The following CWC22 variants were observed in gnomAD, a reference collection of about 807,000 sequenced individuals.
The protein encoded by CWC22 is pre-mRNA-splicing factor CWC22 homolog.
In CWC22, 53 loss-of-function variants were observed where a neutral mutation model predicts 117.2. The observed-to-expected ratio is 0.45, with a 90% CI of 0.36 to 0.57. CWC22 has a LOEUF of 0.57. Ranked by LOEUF, CWC22 falls within the 20% of genes least tolerant of loss-of-function variation. CWC22 has a pLI of 0.00. For missense variants in CWC22, 980 were observed against 1,068.8 expected, an observed-to-expected ratio of 0.92 and a Z score of 1.16; for synonymous variants, 360 against 355.6, an observed-to-expected ratio of 1.01 and a Z score of -0.14.
intron 2 of CWC22, among the ~76,000 whole-genome samples, chr2:179,989,247 A>ATT (rs1559296099): frequency 4.6e-3 from 5 of 1,080 alleles, no homozygotes; most frequent in East Asian, 0.083. Flanking sequence ...AAGTTATAAT[A>ATT]ATAATTATTA....
chr2:179,955,227 G>A (rs1429960554), intron 14 of CWC22, among the ~76,000 whole-genome samples, 193 bp from the exon 15 acceptor site: 3 of 151,936 alleles, frequency 2.0e-5, no homozygotes, highest in African/African-American at 7.2e-5. Flanking sequence ...CTGGCTGACA[G>A]CTTCCACAGT....
intron 1 of CWC22, among the ~76,000 whole-genome samples, chr2:179,999,506 C>T (rs956519324): frequency 1.2e-4 from 19 of 152,210 alleles, no homozygotes; most frequent in Non-Finnish European, 2.5e-4. Context: ...TATATAAGTA[C>T]GTCAGACTGT....
intron 11 of CWC22, among the ~76,000 whole-genome samples, chr2:179,968,650 C>G (rs2105525472): frequency 6.6e-6 from 1 of 152,112 alleles, no homozygotes; most frequent in Admixed American, 6.5e-5. Context: ...TCACTGCAAC[C>G]TCCACCTCCC....
chr2:179,974,981 TC>T (rs1194804506), intron 6 of CWC22, among the ~76,000 whole-genome samples: 1 of 152,124 alleles, frequency 6.6e-6, no homozygotes, highest in African/African-American at 2.4e-5. Flanking sequence ...ACTCAAGTGG[TC>T]CTCTTGCCTC....
intron 17 of CWC22, 141 bp from the exon 18 acceptor site, chr2:179,951,067 GTTA>G: frequency 1.7e-6 from 1 of 590,106 alleles, no homozygotes; most frequent in Non-Finnish European, 3.0e-6. Context: ...CATTTATTAG[GTTA>G]GGCTACGTGC....
At chr2:179,972,664 T>C (rs867128060) in intron 8 of CWC22, among the ~76,000 whole-genome samples, 2 of 152,346 alleles carry the variant, frequency 1.3e-5, no homozygotes, top group South Asian at 4.1e-4. Context: ...TCAGATTAAT[T>C]TGATAAATAT....
At chr2:179,952,299 A>G (rs1238158966) in intron 17 of CWC22, among the ~76,000 whole-genome samples, 172 bp downstream of exon 17, 2 of 152,088 alleles carry the variant, frequency 1.3e-5, no homozygotes, top group Non-Finnish European at 2.9e-5. Flanking sequence ...CCACCACTAA[A>G]AGTTGCATGT....
chr2:180,004,321 G>A (rs1471020428), intron 1 of CWC22, among the ~76,000 whole-genome samples: 1 of 152,180 alleles, frequency 6.6e-6, no homozygotes, highest in Non-Finnish European at 1.5e-5. Context: ...GGTGGTCTCA[G>A]GTACAAGCCA....
chr2:179,968,478 T>C (rs74374386), intron 11 of CWC22, among the ~76,000 whole-genome samples: 3,292 of 151,980 alleles, frequency 0.022, 113 homozygotes, highest in African/African-American at 0.074. Context: ...GGCCAGACAG[T>C]AAACTTTACA....
chr2:179,959,381 G>T (rs565416865), intron 13 of CWC22, among the ~76,000 whole-genome samples: 1 of 152,244 alleles, frequency 6.6e-6, no homozygotes, highest in South Asian at 2.1e-4. Context: ...ACAGAAAGTA[G>T]ATTAAATGAG....
intron 6 of CWC22, among the ~76,000 whole-genome samples, chr2:179,975,546 A>C (rs1416712880): frequency 6.6e-6 from 1 of 152,174 alleles, no homozygotes; most frequent in Non-Finnish European, 1.5e-5. Flanking sequence ...ACTTAACCAA[A>C]AAATTGTTAG....
chr2:179,987,475 T>C (rs1177556309), intron 3 of CWC22, among the ~76,000 whole-genome samples: 1 of 152,178 alleles, frequency 6.6e-6, no homozygotes, highest in Admixed American at 6.5e-5. Flanking sequence ...TGTGTGTGTG[T>C]CTGTGTGTAA....
chr2:179,946,957 T>C (rs1226817330), intron 19 of CWC22, among the ~76,000 whole-genome samples: 1 of 152,160 alleles, frequency 6.6e-6, no homozygotes, highest in Admixed American at 6.5e-5. Flanking sequence ...CCTCAAACAA[T>C]TTGATTTTGC....
At chr2:179,991,967 C>T (rs1439489118) in intron 2 of CWC22, among the ~76,000 whole-genome samples, 2 of 152,194 alleles carry the variant, frequency 1.3e-5, no homozygotes, top group African/African-American at 4.8e-5. Context: ...TCACACTTGA[C>T]AGAGGTTGGA....
chr2:180,001,356 C>T (rs1245445806), intron 1 of CWC22, among the ~76,000 whole-genome samples: 1 of 149,688 alleles, frequency 6.7e-6, no homozygotes, highest in Non-Finnish European at 1.5e-5. Flanking sequence ...GAGACAGAGT[C>T]TGACTGTCAC....
chr2:179,952,131 T>C (rs2105508274), intron 17 of CWC22, among the ~76,000 whole-genome samples: 1 of 152,268 alleles, frequency 6.6e-6, no homozygotes, highest in Admixed American at 6.5e-5. Context: ...AACTGTCCAC[T>C]GATAATATTA....
chr2:179,949,441 T>C (rs934866635), intron 19 of CWC22, among the ~76,000 whole-genome samples: 1 of 152,170 alleles, frequency 6.6e-6, no homozygotes, highest in Admixed American at 6.5e-5. Context: ...ACTTCTCTAG[T>C]TGAAATGCAA....
chr2:179,945,579 C>G lies in CWC22; in HGVS notation c.2277G>C (p.Glu759Asp), dbSNP rs757613383. 3.1e-6 allele frequency: 5 copies of G among 1,613,730 alleles called. No individual in the cohort carries two copies. Among genetic ancestry groups the G allele is most frequent in the Non-Finnish European group, 4.2e-6 (5 of 1,179,796 alleles). Residue 759 changes from glutamate (E) to aspartate (D), a missense_variant, in exon 20 of 20, where the codon GAG becomes GAC. Transcript: ENST00000410053. ...QEHGHQETRT[E>D]RERRSEKHRD... ...TGTGTTTTTCTGACCTTCTTTCTCT[C>G]TCAGTCCTTGTTTCCTGGTGCCCGT...
rs564651777 is a variant in CWC22 at position 179,995,738 on chromosome 2, G to A, written c.-113-2284C>T. 1.6e-4 allele frequency among the ~76,000 whole-genome samples: 24 copies of A among 152,338 alleles called. No homozygotes were observed. The South Asian group carries it at 3.5e-3, about 22-fold the overall frequency. On this transcript the variant is annotated intron_variant, in intron 1 of 19. Coordinates refer to ENST00000410053, the MANE Select transcript of CWC22 (RefSeq NM_020943.3). ...AGGCTGAGTCTAGAGGAGAGTAGAT[G>A]CCTTGAGAAAGGAGCAACATGAGTG...
Sources: allele counts gnomAD v4.1 joint callset (sites outside exome capture counted in the v4.1 genomes callset), GRCh38; gene constraint gnomAD v4.1.1; transcripts MANE v1.5; gene names NCBI Gene and HGNC (gene_info 2026-07-23, HGNC 2026-07-21).